ADGRL3: variants seen among roughly 807,000 people sequenced by gnomAD.
The protein encoded by ADGRL3 is adhesion G protein-coupled receptor L3.
In ADGRL3, 62 loss-of-function variants were observed where a neutral mutation model predicts 153.5. The observed-to-expected ratio is 0.40, with a 90% confidence interval of 0.33 to 0.50. ADGRL3 has a LOEUF of 0.50. ADGRL3 is among the 20% of genes least tolerant of loss of function. The pLI is 0.47. For synonymous variants in ADGRL3, 710 were observed against 672.5 expected (o/e 1.06, Z -0.86); for missense variants, 1,641 against 1,859.4 (o/e 0.88, Z 2.16).
In ADGRL3 at chr4:62,071,103, A is replaced by G. The variant is rs1423393795; in HGVS notation, c.*195A>G. ...CCAGGGGAGAAAGATAACTGCTAAAATTCCCCTGTACCCCATCCTTTCTTG... is the reference window on the plus strand; with the variant it reads ...CCAGGGGAGAAAGATAACTGCTAAAGTTCCCCTGTACCCCATCCTTTCTTG... On this transcript the variant is annotated 3_prime_UTR_variant, in exon 27 of 27. Transcript: ENST00000683033. 9.4e-6 allele frequency: 5 copies of G among 532,836 alleles called. No individual in the cohort carries two copies. The highest frequency in any genetic ancestry group is 1.3e-5 in the Non-Finnish European group (4 of 302,824). 33.0% of individuals were successfully genotyped at this position (532,836 alleles called of 1,614,324 possible).
Position 62,031,793 on chromosome 4 carries a change from C to T in ADGRL3, c.3591+183C>T, listed in dbSNP as rs192004408. ...AAGCATAATAGTTGGTGGGAGTGTC[C>T]AATAGTAAAAAACAATAAAAACATT... On this transcript the variant is annotated intron_variant, in intron 23 of 26. Coordinates refer to ENST00000683033, the MANE Select transcript of ADGRL3 (RefSeq NM_001387552.1). Among the ~76,000 whole-genome samples the T allele has an allele frequency of 3.7e-3, 565 of 151,154 alleles. 6 individuals are homozygous for T. Among genetic ancestry groups the T allele is most frequent in the Non-Finnish European group, 6.2e-3 (419 of 67,490 alleles).
intron 8 of ADGRL3, among the ~76,000 whole-genome samples, chr4:61,746,580 A>C (rs1213614733): frequency 6.6e-6 from 1 of 152,194 alleles, no homozygotes; most frequent in Non-Finnish European, 1.5e-5. Flanking sequence ...ACTACATGGA[A>C]ACTGAACAAC....
chr4:61,391,593 G>A (rs2096802773), intron 2 of ADGRL3, among the ~76,000 whole-genome samples: 2 of 152,054 alleles, frequency 1.3e-5, no homozygotes, highest in Non-Finnish European at 2.9e-5. Flanking sequence ...ATACCCAAGT[G>A]TGGGATTGCT....
At chr4:61,752,817 C>A (rs1335595584) in intron 8 of ADGRL3, among the ~76,000 whole-genome samples, 2 of 152,076 alleles carry the variant, frequency 1.3e-5, no homozygotes, top group South Asian at 4.2e-4. Context: ...ACCTGTAGTC[C>A]TAGCTACTCA....
chr4:61,296,445 G>A (rs1313757103), intron 1 of ADGRL3, among the ~76,000 whole-genome samples: 3 of 142,952 alleles, frequency 2.1e-5, no homozygotes, highest in East Asian at 2.0e-4. Context: ...TGATGCCCTG[G>A]TGTGCCTTTC....
intron 12 of ADGRL3, 104 bp downstream of exon 12, chr4:61,909,849 C>T: frequency 1.2e-6 from 1 of 802,430 alleles, no homozygotes; most frequent in Middle Eastern, 3.8e-4. Context: ...CTTAATTTTC[C>T]TCCTTCTACA....
intron 6 of ADGRL3, among the ~76,000 whole-genome samples, chr4:61,688,731 T>C (rs2095489913): frequency 6.6e-6 from 1 of 152,108 alleles, no homozygotes. Flanking sequence ...ATTCTCTACC[T>C]CCCTTGACTA....
At chr4:61,388,284 A>G (rs962452327) in intron 2 of ADGRL3, among the ~76,000 whole-genome samples, 6 of 152,178 alleles carry the variant, frequency 3.9e-5, no homozygotes, top group Non-Finnish European at 7.4e-5. Flanking sequence ...TTAGAATAGA[A>G]CAATGCCTAT....
chr4:61,346,740 G>A (rs892751233), intron 1 of ADGRL3, among the ~76,000 whole-genome samples: 1 of 142,100 alleles, frequency 7.0e-6, no homozygotes, highest in Non-Finnish European at 1.5e-5. Flanking sequence ...CCGTGATTGT[G>A]TCACTGGACT....
intron 13 of ADGRL3, among the ~76,000 whole-genome samples, chr4:61,919,045 A>G (rs28459201): frequency 0.016 from 2,508 of 152,282 alleles, 68 homozygotes; most frequent in African/African-American, 0.058. Context: ...TCTGTGGTGC[A>G]TGTCAAACAA....
intron 23 of ADGRL3, among the ~76,000 whole-genome samples, chr4:62,031,956 TACACACACAC>T (rs146856591): frequency 2.0e-4 from 28 of 137,822 alleles, no homozygotes; most frequent in South Asian, 9.0e-4. Flanking sequence ...GCATGAGTTA[TACACACACAC>T]ACACACACAC....
chr4:61,246,290 A>G (rs1443298815), intron 1 of ADGRL3, among the ~76,000 whole-genome samples: 2 of 152,058 alleles, frequency 1.3e-5, no homozygotes, highest in African/African-American at 4.8e-5. Flanking sequence ...GCTGCTATCT[A>G]TCTTGTAACA....
intron 25 of ADGRL3, among the ~76,000 whole-genome samples, chr4:62,065,887 A>T (rs1742727986): frequency 6.6e-6 from 1 of 152,134 alleles, no homozygotes; most frequent in African/African-American, 2.4e-5. Flanking sequence ...GTATTGATAC[A>T]AATTTTTATT....
At chr4:61,976,549 G>A (rs1054445563) in intron 17 of ADGRL3, among the ~76,000 whole-genome samples, 1 of 152,120 alleles carries the variant, frequency 6.6e-6, no homozygotes, top group African/African-American at 2.4e-5. Flanking sequence ...AAAGGGGTCT[G>A]TAATTTTAGA....
intron 9 of ADGRL3, among the ~76,000 whole-genome samples, chr4:61,846,500 C>T (rs1411308133): frequency 2.0e-5 from 3 of 151,974 alleles, no homozygotes; most frequent in Non-Finnish European, 2.9e-5. Flanking sequence ...GGTAATCCTA[C>T]GGTGCATTCT....
chr4:61,292,470 C>T (rs909441603), intron 1 of ADGRL3, among the ~76,000 whole-genome samples: 81 of 152,252 alleles, frequency 5.3e-4, no homozygotes, highest in African/African-American at 1.9e-3. Context: ...AGGTAGCTAG[C>T]TTGTACATGC....
At chr4:61,864,949 T>C (rs1327163020) in intron 9 of ADGRL3, among the ~76,000 whole-genome samples, 1 of 152,218 alleles carries the variant, frequency 6.6e-6, no homozygotes, top group Admixed American at 6.5e-5. Context: ...TTGAGGGACA[T>C]ACACTATCAC....
chr4:61,776,001 T>C (rs564865471), intron 8 of ADGRL3, among the ~76,000 whole-genome samples: 10 of 152,166 alleles, frequency 6.6e-5, no homozygotes, highest in South Asian at 6.2e-4. Context: ...CGAGGGTTCA[T>C]GCCATTCTCC....
intron 8 of ADGRL3, among the ~76,000 whole-genome samples, chr4:61,765,207 T>G (rs1439301248): frequency 2.0e-5 from 3 of 152,032 alleles, no homozygotes; most frequent in Non-Finnish European, 4.4e-5. Context: ...AGGGCATGTA[T>G]GAGTAGTTGA....
Sources: gnomAD v4.1 joint callset for allele counts (sites outside exome capture counted in the v4.1 genomes callset) on GRCh38, gnomAD v4.1.1 for gene constraint, MANE v1.5 for transcripts, NCBI Gene and HGNC (gene_info 2026-07-23, HGNC 2026-07-21) for gene names.